The following C2orf92 variants were observed in gnomAD, a reference collection of about 807,000 sequenced individuals.
C2orf92 encodes chromosome 2 open reading frame 92.
chr2:97,665,733 CTCTCTA>C (rs1170258724), upstream of C2orf92: 119 of 19,738 alleles, frequency 6.0e-3, no homozygotes, highest in Admixed American at 0.019. Context: ...CTCTCTCTCT[CTCTCTA>C]TATATATATA....
upstream of C2orf92, among the ~76,000 whole-genome samples, chr2:97,665,200 A>C (rs1028097586): frequency 6.6e-6 from 1 of 152,198 alleles, no homozygotes; most frequent in Non-Finnish European, 1.5e-5. Flanking sequence ...TTGTTTACCA[A>C]ACGGATCCAT....
chr2:97,702,386 C>T (rs1456342505), intron 7 of C2orf92, among the ~76,000 whole-genome samples: 2 of 152,184 alleles, frequency 1.3e-5, no homozygotes, highest in Admixed American at 6.5e-5. Context: ...CCTCCATGCC[C>T]CTTGAGATGC....
intron 3 of C2orf92, among the ~76,000 whole-genome samples, chr2:97,684,298 G>A (rs766307186): frequency 2.6e-5 from 4 of 152,072 alleles, no homozygotes; most frequent in Non-Finnish European, 5.9e-5. Context: ...GCCTCCCAAA[G>A]TGCTGGGATT....
chr2:97,666,529 C>CAAAA (rs34223345), upstream of C2orf92, among the ~76,000 whole-genome samples: 3 of 70,276 alleles, frequency 4.3e-5, no homozygotes, highest in African/African-American at 6.2e-5. Flanking sequence ...GACTCCGTCT[C>CAAAA]AAAAAAAAAA....
chr2:97,681,961 TAGTA>T (rs1559300335), intron 3 of C2orf92, among the ~76,000 whole-genome samples: 1 of 150,462 alleles, frequency 6.6e-6, no homozygotes, highest in Non-Finnish European at 1.5e-5. Context: ...AAGAAGGAAA[TAGTA>T]AAGTATACAG....
rs1675514251 is a variant in C2orf92, at chr2:97,674,545, G to C, written c.136G>C (p.Asp46His). The change falls in exon 2 of 8, where the codon GAC (aspartate) becomes CAC (histidine). Residue 46 changes from aspartate (D) to histidine (H), a missense_variant. Coordinates refer to ENST00000627399, the MANE Select transcript of C2orf92 (RefSeq NM_001351368.2). ...AGCAGTCAGATCCATTACAAAGAGAGACACACAAAAAAGCAAGTATATGTC... is the reference window on the plus strand; with the variant it reads ...AGCAGTCAGATCCATTACAAAGAGACACACACAAAAAAGCAAGTATATGTC... ...RTAVRSITKR[D>H]TQKSYSQQKS... is the part of the protein sequence containing the mutation. 2.5e-6 allele frequency: 1 copy of C among 398,580 alleles called. No individual in the cohort carries two copies. Among genetic ancestry groups the C allele is most frequent in the Non-Finnish European group, 4.4e-6 (1 of 226,066 alleles). 24.7% of individuals were successfully genotyped at this position (398,580 alleles called of 1,614,324 possible).
intron 3 of C2orf92, among the ~76,000 whole-genome samples, chr2:97,682,413 C>G (rs750253189): frequency 1.3e-5 from 2 of 152,120 alleles, no homozygotes; most frequent in Non-Finnish European, 2.9e-5. Flanking sequence ...GTCCTCAAAC[C>G]CTTCCAAGAA....
intron 7 of C2orf92, among the ~76,000 whole-genome samples, 179 bp downstream of exon 7, chr2:97,701,483 G>A (rs576956451): frequency 2.6e-5 from 4 of 152,266 alleles, no homozygotes; most frequent in African/African-American, 7.2e-5. Flanking sequence ...ATGGGTTTTC[G>A]GCACAGCCTG....
At chr2:97,690,783 T>G (rs773440981) in intron 5 of C2orf92, among the ~76,000 whole-genome samples, 21 of 147,302 alleles carry the variant, frequency 1.4e-4, no homozygotes, top group Non-Finnish European at 2.6e-4. Context: ...TTTTTTTTTT[T>G]TTGTTTTTTT....
chr2:97,698,530 A>G (rs2104603602), intron 5 of C2orf92, among the ~76,000 whole-genome samples: 1 of 152,318 alleles, frequency 6.6e-6, no homozygotes, highest in East Asian at 1.9e-4. Context: ...CGTGTTTTAA[A>G]AATTATTTTC....
At chr2:97,669,208 G>A (rs1675329587), upstream of C2orf92, 1 of 152,152 alleles carries the variant, frequency 6.6e-6, no homozygotes. Context: ...GTAACAAAAT[G>A]GGCGTATCAA....
upstream of C2orf92, chr2:97,668,631 C>G (rs184902347): frequency 6.6e-6 from 1 of 152,294 alleles, no homozygotes; most frequent in Non-Finnish European, 1.5e-5. Flanking sequence ...TTGAACTGTG[C>G]GGGTCCACTT....
chr2:97,681,189 A>G (rs1675761699), intron 3 of C2orf92, among the ~76,000 whole-genome samples: 1 of 152,022 alleles, frequency 6.6e-6, no homozygotes, highest in Non-Finnish European at 1.5e-5. Flanking sequence ...ACTCTAAACC[A>G]ATTAGACCTA....
intron 1 of C2orf92, among the ~76,000 whole-genome samples, chr2:97,673,820 G>A (rs1031990986): frequency 2.0e-5 from 3 of 152,158 alleles, no homozygotes; most frequent in Admixed American, 2.0e-4. Context: ...AAGGCTGGGT[G>A]AAAGCTTGTG....
chr2:97,667,082 A>G (rs182165085), upstream of C2orf92: 1 of 152,230 alleles, frequency 6.6e-6, no homozygotes, highest in African/African-American at 2.4e-5. Flanking sequence ...TCTAGTGTTT[A>G]TACATTCATA....
chr2:97,695,951 T>C (rs1186456129), intron 5 of C2orf92, among the ~76,000 whole-genome samples: 1 of 152,068 alleles, frequency 6.6e-6, no homozygotes, highest in Non-Finnish European at 1.5e-5. Context: ...GCAGGGTAGT[T>C]CTGGCTCAGA....
chr2:97,682,850 A>G, intron 3 of C2orf92, among the ~76,000 whole-genome samples: 1 of 152,128 alleles, frequency 6.6e-6, no homozygotes. Flanking sequence ...TGAAAAACCC[A>G]TGGATGATAT....
intron 1 of C2orf92, among the ~76,000 whole-genome samples, chr2:97,673,376 G>C (rs10496323): frequency 0.48 from 72,692 of 151,916 alleles, 20,972 homozygotes; most frequent in Non-Finnish European, 0.66. Flanking sequence ...ACTGCTTCAA[G>C]GGCTTTTCAT....
chr2:97,695,736 C>A (rs1007669099), intron 5 of C2orf92, among the ~76,000 whole-genome samples: 1 of 151,286 alleles, frequency 6.6e-6, no homozygotes, highest in Non-Finnish European at 1.5e-5. Flanking sequence ...CTTTTATTTT[C>A]TTTCTTTTCT....
Sources: allele counts gnomAD v4.1 joint callset (sites outside exome capture counted in the v4.1 genomes callset), GRCh38; gene constraint gnomAD v4.1.1; transcripts MANE v1.5; gene names NCBI Gene and HGNC (gene_info 2026-07-23, HGNC 2026-07-21).